Variants in GRHPR observed in about 807,000 individuals in gnomAD.
The protein encoded by GRHPR is glyoxylate reductase/hydroxypyruvate reductase.
A neutral mutation model predicts 36.8 loss-of-function variants in GRHPR; 35 were observed. That is an observed-to-expected ratio of 0.95 (90% CI 0.73 to 1.26). GRHPR has a LOEUF of 1.26. Among genes scored for constraint, GRHPR ranks in the 50% most tolerant of loss-of-function variants. The probability of loss-of-function intolerance (pLI) is 0.00; values close to 1 mark genes in which losing one functional copy is unlikely to be tolerated. For synonymous variants in GRHPR, 179 were observed against 181.0 expected (o/e 0.99, Z 0.09); for missense variants, 380 against 435.0 (o/e 0.87, Z 1.12).
downstream of GRHPR, among the ~76,000 whole-genome samples, chr9:37,437,869 C>G (rs993892323): frequency 6.6e-6 from 1 of 152,144 alleles, no homozygotes; most frequent in Non-Finnish European, 1.5e-5. Context: ...CACAAGATTA[C>G]GCAGGCCCTC....
intron 5 of GRHPR, chr9:37,429,203 C>A (rs999850019): frequency 4.0e-6 from 1 of 252,150 alleles, no homozygotes; most frequent in African/African-American, 2.2e-5. Flanking sequence ...CTTGGAGGAA[C>A]CCAACAGCTT....
chr9:37,434,216 T>C, intron 8 of GRHPR: 1 of 400,864 alleles, frequency 2.5e-6, no homozygotes, highest in Non-Finnish European at 4.4e-6. Context: ...TGCAATCATT[T>C]GTGATGTAAA....
At chr9:37,424,183 T>C (rs567320774) in intron 1 of GRHPR, among the ~76,000 whole-genome samples, 40 of 152,354 alleles carry the variant, frequency 2.6e-4, no homozygotes, top group Non-Finnish European at 4.6e-4. Context: ...ATGGTAACAG[T>C]AGCTCACGCT....
chr9:37,426,775 C>T, intron 4 of GRHPR, 121 bp downstream of exon 4: 1 of 670,058 alleles, frequency 1.5e-6, no homozygotes. Flanking sequence ...TAGTGAAACC[C>T]CGTCTCTAGT....
In GRHPR at chr9:37,424,980, A is replaced by C; in HGVS notation, c.214+5A>C. On this transcript the variant is annotated splice_donor_5th_base_variant and intron_variant, in intron 2 of 8. Transcript: ENST00000318158. ...AGAGGATCCTGGATGCTGCAGGTGC[A>C]CACTGGGTGGGCAGGGGACTTGAGG... 6.2e-7 allele frequency: 1 copy of C among 1,611,316 alleles called. No individual in the cohort carries two copies. Among genetic ancestry groups the C allele is most frequent in the Non-Finnish European group, 8.5e-7 (1 of 1,179,506 alleles).
Position 37,436,806 on chromosome 9 carries a change from G to A in GRHPR, c.*24G>A, listed in dbSNP as rs202111075. On this transcript the variant is annotated 3_prime_UTR_variant, in exon 9 of 9. Coordinates refer to ENST00000318158, the MANE Select transcript of GRHPR (RefSeq NM_012203.2). ...AGCCAAACAGTAGAGATGGAGGGCC[G>A]GGAAGCAAACCGTGCCCTGGTATTG... The A allele has an allele frequency of 3.9e-4, 632 of 1,613,286 alleles. No individual in the cohort carries two copies. Among genetic ancestry groups the A allele is most frequent in the Non-Finnish European group, 4.8e-4 (572 of 1,179,396 alleles).
chr9:37,431,293 T>G, intron 7 of GRHPR: 1 of 331,786 alleles, frequency 3.0e-6, no homozygotes, highest in Non-Finnish European at 6.0e-6. Context: ...ATTACCAACA[T>G]TTAGCTACAA....
intron 2 of GRHPR, 51 bp downstream of exon 2, chr9:37,425,026 C>T: frequency 6.3e-7 from 1 of 1,581,436 alleles, no homozygotes; most frequent in Non-Finnish European, 8.6e-7. Context: ...CCTGTGGGCC[C>T]CTCAGCCTGT....
At chr9:37,434,351 G>A (rs900439261) in intron 8 of GRHPR, 6 of 476,922 alleles carry the variant, frequency 1.3e-5, no homozygotes, top group Admixed American at 3.1e-5. Flanking sequence ...AAGGGCCAGC[G>A]GCCCCTGTGG....
intron 1 of GRHPR, among the ~76,000 whole-genome samples, chr9:37,423,360 T>TG (rs1822933591): frequency 6.6e-6 from 1 of 150,554 alleles, no homozygotes; most frequent in Non-Finnish European, 1.5e-5. Flanking sequence ...TTTGTAGAGA[T>TG]GGGGGTCTCA....
intron 7 of GRHPR, chr9:37,431,402 A>C (rs309457): frequency 3.4e-6 from 1 of 291,118 alleles, no homozygotes; most frequent in Non-Finnish European, 6.8e-6. Context: ...GGGTGCCTGC[A>C]TGTACCCAGG....
chr9:37,424,195 T>TA (rs1299904967), intron 1 of GRHPR, among the ~76,000 whole-genome samples: 1 of 152,226 alleles, frequency 6.6e-6, no homozygotes, highest in Admixed American at 6.5e-5. Flanking sequence ...GCTCACGCTG[T>TA]ACCCTGCTCA....
chr9:37,430,800 A>C (rs1308902639), intron 7 of GRHPR, 154 bp downstream of exon 7: 2 of 749,688 alleles, frequency 2.7e-6, no homozygotes, highest in Admixed American at 4.0e-5. Flanking sequence ...ATTCGTGGGA[A>C]TACACGAGAC....
rs1322139373 is a variant in GRHPR, at chr9:37,430,411, G to T, written c.599-100G>T. 3.0e-6 allele frequency: 3 copies of T among 993,588 alleles called. No individual in the cohort carries two copies. The African/African-American group carries it at 4.7e-5, about 16-fold the overall frequency. 61.5% of individuals were successfully genotyped at this position (993,588 alleles called of 1,614,324 possible). A position where few individuals can be genotyped will look rare whatever the true frequency, so the allele number is the denominator to read the frequency against. ...ACTCGGCCTTCAGGAAGCATCTTGG[G>T]AGTTTCTGTTAGGGAGTCGGGAGCA... On this transcript the variant is annotated intron_variant, in intron 6 of 8. Transcript: ENST00000318158.
intron 7 of GRHPR, chr9:37,431,320 A>G (rs867332770): frequency 6.0e-6 from 2 of 332,586 alleles, no homozygotes; most frequent in South Asian, 2.4e-5. Context: ...TGACCTGGGA[A>G]TGGAAGAGTG....
intron 6 of GRHPR, 55 bp from the exon 7 acceptor site, chr9:37,430,456 T>C: frequency 2.0e-6 from 3 of 1,536,978 alleles, no homozygotes; most frequent in African/African-American, 1.4e-5. Flanking sequence ...TCTCCCGCCA[T>C]CTGGTTGTCC....
intron 1 of GRHPR, 34 bp from the exon 2 acceptor site, chr9:37,424,811 C>T (rs140060701): frequency 6.8e-6 from 11 of 1,607,692 alleles, no homozygotes; most frequent in Admixed American, 3.4e-5. Flanking sequence ...GTGTGCGGCT[C>T]CTGCTTCTCC....
At chr9:37,428,168 G>A in intron 4 of GRHPR, 2 of 486,852 alleles carry the variant, frequency 4.1e-6, no homozygotes, top group East Asian at 7.7e-5. Context: ...TTTGCAGCCT[G>A]TTGCTCTCAA....
Position 37,424,959 on chromosome 9 carries a change from G to A in GRHPR, c.198G>A (p.Arg66=), listed in dbSNP as rs1588750275. The stretch of plus-strand genomic sequence containing the variant: ...TCCTCTCCGACCACGTGGACAAGAG[G>A]ATCCTGGATGCTGCAGGTGCACACT... ...LCLLSDHVDK[R]ILDAAGANLK... The change falls in exon 2 of 9, where the codon AGG becomes AGA. Residue 66 remains arginine, a synonymous_variant. Transcript: ENST00000318158. The A allele has an allele frequency of 6.2e-7, 1 of 1,612,584 alleles. No individual in the cohort carries two copies. Among genetic ancestry groups the A allele is most frequent in the Non-Finnish European group, 8.5e-7 (1 of 1,179,924 alleles).
Sources: allele counts gnomAD v4.1 joint callset (sites outside exome capture counted in the v4.1 genomes callset), GRCh38; gene constraint gnomAD v4.1.1; transcripts MANE v1.5; gene names NCBI Gene and HGNC (gene_info 2026-07-23, HGNC 2026-07-21).